PDSS2: variants seen among roughly 807,000 people sequenced by gnomAD.
The protein encoded by PDSS2 is all trans-polyprenyl-diphosphate synthase PDSS2.
A neutral mutation model predicts 44.5 loss-of-function variants in PDSS2; 31 were observed. The ratio of observed to expected loss-of-function variants is 0.70; its 90% CI spans 0.52 to 0.94. PDSS2 has a LOEUF of 0.94. Ranked by LOEUF, PDSS2 falls within the 40% of genes least tolerant of loss-of-function variation. The pLI is 0.00. For synonymous variants in PDSS2, 157 were observed against 180.3 expected, an observed-to-expected ratio of 0.87 and a Z score of 1.03; for missense variants, 452 against 482.2, an observed-to-expected ratio of 0.94 and a Z score of 0.59.
intron 1 of PDSS2, among the ~76,000 whole-genome samples, chr6:107,389,491 A>G (rs1417349661): frequency 6.6e-6 from 1 of 152,212 alleles, no homozygotes; most frequent in African/African-American, 2.4e-5. Context: ...ACTGCTTTAC[A>G]TGTATACTAC....
At chr6:107,251,172 A>C (rs1324779774) in intron 3 of PDSS2, among the ~76,000 whole-genome samples, 1 of 152,228 alleles carries the variant, frequency 6.6e-6, no homozygotes, top group African/African-American at 2.4e-5. Flanking sequence ...ATCTTTAGAA[A>C]AAATGTAAAC....
intron 7 of PDSS2, among the ~76,000 whole-genome samples, chr6:107,180,809 T>G (rs945692184): frequency 2.0e-5 from 3 of 152,222 alleles, no homozygotes; most frequent in African/African-American, 4.8e-5. Flanking sequence ...CTAAATAATG[T>G]AAACTTTTAC....
chr6:107,276,640 G>A (rs1254058095), intron 2 of PDSS2, among the ~76,000 whole-genome samples: 1 of 152,198 alleles, frequency 6.6e-6, no homozygotes, highest in African/African-American at 2.4e-5. Context: ...CTGTGGCAGA[G>A]TGTTACACCA....
At chr6:107,375,975 C>T (rs1779273638) in intron 1 of PDSS2, among the ~76,000 whole-genome samples, 1 of 152,142 alleles carries the variant, frequency 6.6e-6, no homozygotes, top group African/African-American at 2.4e-5. Flanking sequence ...TGATAAAAGA[C>T]AGTACACTAG....
chr6:107,205,139 G>A (rs1452455497), intron 6 of PDSS2, among the ~76,000 whole-genome samples: 2 of 152,192 alleles, frequency 1.3e-5, no homozygotes, highest in African/African-American at 4.8e-5. Context: ...ACGCACACCA[G>A]TCTTGCCTAG....
chr6:107,434,194 G>A (rs181600287), intron 1 of PDSS2, among the ~76,000 whole-genome samples: 42 of 152,274 alleles, frequency 2.8e-4, no homozygotes, highest in African/African-American at 8.4e-4. Flanking sequence ...AAAACAGTAC[G>A]CAAGTTCCTC....
At chr6:107,243,656 G>A (rs1774514908) in intron 4 of PDSS2, among the ~76,000 whole-genome samples, 1 of 152,228 alleles carries the variant, frequency 6.6e-6, no homozygotes, top group South Asian at 2.1e-4. Flanking sequence ...ATGGCAGACA[G>A]ATGCTATCAA....
chr6:107,337,116 T>C (rs985983249), intron 1 of PDSS2, among the ~76,000 whole-genome samples: 7 of 151,792 alleles, frequency 4.6e-5, no homozygotes, highest in African/African-American at 1.7e-4. Flanking sequence ...TATATTGTGG[T>C]TTATACATTG....
intron 2 of PDSS2, among the ~76,000 whole-genome samples, chr6:107,284,154 C>G (rs1409303020): frequency 6.6e-6 from 1 of 152,012 alleles, no homozygotes; most frequent in Non-Finnish European, 1.5e-5. Context: ...CACTAGCTTC[C>G]TTACCTCTCT....
At chr6:107,368,389 C>T (rs576787866) in intron 1 of PDSS2, among the ~76,000 whole-genome samples, 2 of 151,708 alleles carry the variant, frequency 1.3e-5, no homozygotes, top group Non-Finnish European at 2.9e-5. Context: ...GTGTAAAATT[C>T]GATGCTGAAA....
chr6:107,191,992 G>A (rs752997948), intron 7 of PDSS2, among the ~76,000 whole-genome samples: 1 of 152,126 alleles, frequency 6.6e-6, no homozygotes, highest in Non-Finnish European at 1.5e-5. Flanking sequence ...TTGGGGTCAG[G>A]GGCTATAGGA....
intron 4 of PDSS2, among the ~76,000 whole-genome samples, chr6:107,240,501 C>T (rs973342903): frequency 1.3e-5 from 2 of 150,790 alleles, no homozygotes; most frequent in Non-Finnish European, 2.9e-5. Flanking sequence ...CAGGTTCAAG[C>T]GATCCTCCTG....
chr6:107,241,416 G>A (rs1303702414), intron 4 of PDSS2, among the ~76,000 whole-genome samples: 1 of 139,102 alleles, frequency 7.2e-6, no homozygotes, highest in Non-Finnish European at 1.5e-5. Flanking sequence ...GCGAGATATC[G>A]GCTCACTGCA....
chr6:107,170,141 C>T (rs906170692), intron 7 of PDSS2, among the ~76,000 whole-genome samples: 3 of 152,250 alleles, frequency 2.0e-5, no homozygotes, highest in South Asian at 4.2e-4. Flanking sequence ...TGGAGCTTCC[C>T]GCTGCTTTGT....
At chr6:107,378,031 TATA>T (rs947002440) in intron 1 of PDSS2, among the ~76,000 whole-genome samples, 176 of 149,896 alleles carry the variant, frequency 1.2e-3, no homozygotes, top group Middle Eastern at 3.4e-3. Context: ...AAACTTAAAG[TATA>T]ATAATAATAA....
chr6:107,352,490 T>TA (rs1189133994), intron 1 of PDSS2, among the ~76,000 whole-genome samples: 1 of 152,314 alleles, frequency 6.6e-6, no homozygotes, highest in East Asian at 1.9e-4. Context: ...TGCTGCAAAA[T>TA]AGTTTTCAAA....
intron 4 of PDSS2, among the ~76,000 whole-genome samples, chr6:107,217,577 C>T (rs1773455324): frequency 6.6e-6 from 1 of 152,020 alleles, no homozygotes; most frequent in African/African-American, 2.4e-5. Context: ...CAGCTTCCCT[C>T]TTAGTGATGG....
chr6:107,302,198 C>T (rs769254752), intron 2 of PDSS2, among the ~76,000 whole-genome samples: 3 of 151,668 alleles, frequency 2.0e-5, no homozygotes, highest in Admixed American at 6.6e-5. Context: ...TTATCATGCA[C>T]GGTAGTAAGA....
At chr6:107,392,050 AAAC>A (rs1468981508) in intron 1 of PDSS2, among the ~76,000 whole-genome samples, 1 of 152,198 alleles carries the variant, frequency 6.6e-6, no homozygotes, top group Non-Finnish European at 1.5e-5. Context: ...TTTATAAAAA[AAAC>A]AACTATTAAG....
Sources: allele counts gnomAD v4.1 joint callset (sites outside exome capture counted in the v4.1 genomes callset), GRCh38; gene constraint gnomAD v4.1.1; transcripts MANE v1.5; gene names NCBI Gene and HGNC (gene_info 2026-07-23, HGNC 2026-07-21).